The following ENOX2 variants were observed in gnomAD, a reference collection of about 807,000 sequenced individuals.
The protein encoded by ENOX2 is ecto-NOX disulfide-thiol exchanger 2.
ENOX2 carries 36 observed loss-of-function variants against 45.0 expected under a neutral mutation model. The observed-to-expected ratio is 0.80, with a 90% CI of 0.61 to 1.06. ENOX2 has a LOEUF of 1.06. Among genes scored for constraint, ENOX2 ranks in the 50% least tolerant of loss-of-function variants. The pLI is 0.00. For missense variants in ENOX2, 423 were observed against 462.5 expected (o/e 0.91, Z 0.78); for synonymous variants, 174 against 152.3 (o/e 1.14, Z -1.05).
intron 6 of ENOX2, among the ~76,000 whole-genome samples, chrX:130,675,936 C>T (rs980076129): frequency 4.5e-5 from 5 of 111,982 alleles, no homozygotes; most frequent in Non-Finnish European, 9.4e-5. Context: ...CTAATTAAAG[C>T]TGTTACAAAG....
At chrX:130,824,291 G>GTA (rs1291777353) in intron 2 of ENOX2, among the ~76,000 whole-genome samples, 1 of 111,694 alleles carries the variant, frequency 9.0e-6, no homozygotes, top group Non-Finnish European at 1.9e-5. Context: ...GTACATTGTT[G>GTA]TACAGCAGAT....
intron 2 of ENOX2, among the ~76,000 whole-genome samples, chrX:130,812,247 A>G (rs1391717769): frequency 8.9e-6 from 1 of 111,867 alleles, no homozygotes. Context: ...TCCAAAAAAG[A>G]CTATACTCAG....
At chrX:130,874,174 T>G (rs2078652220) in intron 2 of ENOX2, among the ~76,000 whole-genome samples, 1 of 112,461 alleles carries the variant, frequency 8.9e-6, no homozygotes, top group African/African-American at 3.2e-5. Context: ...TAGCTTTCTA[T>G]TCTCCATACT....
chrX:130,900,760 C>A (rs1021285475), intron 2 of ENOX2, among the ~76,000 whole-genome samples: 3 of 112,011 alleles, frequency 2.7e-5, no homozygotes, highest in African/African-American at 6.5e-5. Context: ...GTGAGTCACA[C>A]CTTCCTTTAT....
chrX:130,648,066 G>A (rs1219630847), intron 10 of ENOX2, among the ~76,000 whole-genome samples: 2 of 112,119 alleles, frequency 1.8e-5, no homozygotes, highest in South Asian at 7.4e-4. Flanking sequence ...TATATTAAAT[G>A]TATAAGAAAG....
At chrX:130,803,784 T>C (rs1403588714) in intron 2 of ENOX2, among the ~76,000 whole-genome samples, 2 of 112,407 alleles carry the variant, frequency 1.8e-5, no homozygotes, top group Admixed American at 9.4e-5. Flanking sequence ...CCACATCAAA[T>C]ACTTTAACAT....
At chrX:130,812,543 G>C in intron 2 of ENOX2, among the ~76,000 whole-genome samples, 1 of 112,234 alleles carries the variant, frequency 8.9e-6, no homozygotes. Flanking sequence ...GATGGCAAGA[G>C]AGGAAGAAAG....
chrX:130,720,281 G>A (rs910101046), intron 3 of ENOX2, among the ~76,000 whole-genome samples: 3 of 112,345 alleles, frequency 2.7e-5, no homozygotes, highest in Non-Finnish European at 5.6e-5. Context: ...GGTCGATATT[G>A]ATGGGCTTTT....
intron 2 of ENOX2, among the ~76,000 whole-genome samples, chrX:130,862,762 G>A (rs2078429488): frequency 1.8e-5 from 2 of 111,664 alleles, no homozygotes; most frequent in Admixed American, 1.9e-4. Flanking sequence ...AACAGAATCT[G>A]TGGTGGATGA....
At chrX:130,634,846 G>A (rs1175015396) in intron 12 of ENOX2, 138 bp downstream of exon 12, 24 of 424,332 alleles carry the variant, frequency 5.7e-5, no homozygotes, top group South Asian at 4.9e-4. Context: ...AATTACCCCC[G>A]AGAGGGGCTT....
chrX:130,890,979 T>C (rs1209231473), intron 2 of ENOX2, among the ~76,000 whole-genome samples: 1 of 112,372 alleles, frequency 8.9e-6, no homozygotes, highest in African/African-American at 3.2e-5. Flanking sequence ...CAATTTAGCC[T>C]TAATCTGCAG....
At chrX:130,823,761 T>C (rs2077663164) in intron 2 of ENOX2, among the ~76,000 whole-genome samples, 2 of 111,695 alleles carry the variant, frequency 1.8e-5, no homozygotes, top group East Asian at 2.8e-4. Context: ...TTACAACTTA[T>C]CTTTCTTCTT....
chrX:130,846,374 G>A (rs948107651), intron 2 of ENOX2, among the ~76,000 whole-genome samples: 4 of 100,422 alleles, frequency 4.0e-5, no homozygotes, highest in Non-Finnish European at 8.0e-5. Context: ...TTTCCTTCTT[G>A]TTGCCCAGGC....
Position 130,820,188 on chromosome X carries a change from T to C in ENOX2, c.-182-36498A>G, listed in dbSNP as rs767397863. On this transcript the variant is annotated intron_variant, in intron 2 of 14. Coordinates refer to ENST00000394363, the MANE Select transcript of ENOX2 (RefSeq NM_006375.4). Reference sequence around the variant, plus strand: ...CATTTCTCAAAAGAAGACATTCTGATAGCCAACAGGTATGTGAAAAGATGC... The same window carrying C: ...CATTTCTCAAAAGAAGACATTCTGACAGCCAACAGGTATGTGAAAAGATGC... Among the ~76,000 whole-genome samples the C allele has an allele frequency of 1.2e-4, 13 of 112,576 alleles. No homozygotes were observed. The East Asian group carries it at 3.6e-3, about 31-fold the overall frequency.
intron 2 of ENOX2, among the ~76,000 whole-genome samples, chrX:130,800,367 C>T (rs984187113): frequency 2.8e-5 from 3 of 108,718 alleles, no homozygotes; most frequent in Non-Finnish European, 3.8e-5. Context: ...AACTAATCAG[C>T]GTGCATTATG....
At chrX:130,742,890 G>A (rs2039018179) in intron 3 of ENOX2, among the ~76,000 whole-genome samples, 1 of 112,179 alleles carries the variant, frequency 8.9e-6, no homozygotes, top group Admixed American at 9.4e-5. Context: ...ACAGAACTGA[G>A]CAGAGGCTGG....
In ENOX2 at chrX:130,752,688, C is replaced by T. The variant is rs190795351; in HGVS notation, c.-39+30859G>A. Among the ~76,000 whole-genome samples, 1,086 of 111,174 alleles carry T rather than the reference C, an allele frequency of 9.8e-3. 7 individuals are homozygous for T. The highest frequency in any genetic ancestry group is 0.046 in the Middle Eastern group (10 of 217). On this transcript the variant is annotated intron_variant, in intron 3 of 14. Transcript: ENST00000394363. Reference sequence around the variant, plus strand: ...TTCCTGTTTTTCTGCCTGTCTGTCTCTTAGTCTATCAGGCTTTCTTTCCAT... The same window carrying T: ...TTCCTGTTTTTCTGCCTGTCTGTCTTTTAGTCTATCAGGCTTTCTTTCCAT...
chrX:130,741,423 C>T (rs945369457), intron 3 of ENOX2, among the ~76,000 whole-genome samples: 36 of 111,666 alleles, frequency 3.2e-4, no homozygotes, highest in African/African-American at 1.0e-3. Context: ...TTCATTTTCT[C>T]CCTCTAAGAA....
At chrX:130,713,692 T>C (rs1276684947) in intron 3 of ENOX2, among the ~76,000 whole-genome samples, 1 of 111,078 alleles carries the variant, frequency 9.0e-6, no homozygotes, top group Non-Finnish European at 1.9e-5. Flanking sequence ...CATATTTTCT[T>C]ACCTAATATT....
Sources: gnomAD v4.1 joint callset for allele counts (sites outside exome capture counted in the v4.1 genomes callset) on GRCh38, gnomAD v4.1.1 for gene constraint, MANE v1.5 for transcripts, NCBI Gene and HGNC (gene_info 2026-07-23, HGNC 2026-07-21) for gene names.